RBFOX1: variants seen among roughly 807,000 people sequenced by gnomAD.
RBFOX1 encodes the protein RNA binding protein fox-1 homolog 1.
RBFOX1 carries 8 observed loss-of-function variants against 57.7 expected under a neutral mutation model. The observed-to-expected ratio is 0.14, with a 90% CI of 0.08 to 0.25. The LOEUF is 0.25. Ranked by LOEUF, RBFOX1 falls within the 10% of genes least tolerant of loss-of-function variation. The probability of loss-of-function intolerance (pLI) is 1.00; values close to 1 mark genes in which losing one functional copy is unlikely to be tolerated. For synonymous variants in RBFOX1, 326 were observed against 222.4 expected (o/e 1.47, Z -4.15); for missense variants, 611 against 548.5 (o/e 1.11, Z -1.14).
intron 1 of RBFOX1, among the ~76,000 whole-genome samples, chr16:6,297,683 A>G (rs9931496): frequency 0.012 from 1,822 of 152,126 alleles, 49 homozygotes; most frequent in African/African-American, 0.041. Context: ...CCCCTATCCT[A>G]TACCCATATA....
chr16:5,501,468 G>T (rs2043196135), intron 2 of RBFOX1, among the ~76,000 whole-genome samples: 1 of 152,098 alleles, frequency 6.6e-6, no homozygotes, highest in South Asian at 2.1e-4. Context: ...GAGGAGTGGT[G>T]GGGAGGCAGG....
chr16:6,311,503 A>C (rs137931253), intron 1 of RBFOX1, among the ~76,000 whole-genome samples: 4 of 152,260 alleles, frequency 2.6e-5, no homozygotes, highest in South Asian at 2.1e-4. Context: ...AGGATATTCC[A>C]TGCTGTCCTC....
intron 4 of RBFOX1, among the ~76,000 whole-genome samples, chr16:5,872,173 C>G (rs1180101337): frequency 1.3e-5 from 2 of 152,198 alleles, no homozygotes; most frequent in Non-Finnish European, 2.9e-5. Context: ...AGTCTGTGAA[C>G]AGAAGATCAG....
chr16:7,020,320 G>C (rs571942692), intron 3 of RBFOX1, among the ~76,000 whole-genome samples: 3 of 152,058 alleles, frequency 2.0e-5, no homozygotes, highest in Non-Finnish European at 2.9e-5. Flanking sequence ...CTGTCCGCCA[G>C]GTTCAAGTGA....
At chr16:7,251,182 C>A (rs1218703259) in intron 4 of RBFOX1, among the ~76,000 whole-genome samples, 1 of 152,108 alleles carries the variant, frequency 6.6e-6, no homozygotes, top group Admixed American at 6.5e-5. Context: ...CCAATCCCAC[C>A]CCAGCCCCTG....
intron 4 of RBFOX1, among the ~76,000 whole-genome samples, chr16:5,991,769 A>T (rs890693497): frequency 4.6e-5 from 7 of 151,784 alleles, no homozygotes; most frequent in Admixed American, 3.9e-4. Flanking sequence ...CCTGCCAATA[A>T]TCAACAATGT....
intron 4 of RBFOX1, among the ~76,000 whole-genome samples, chr16:7,435,601 C>G (rs973850993): frequency 6.6e-6 from 1 of 152,112 alleles, no homozygotes; most frequent in South Asian, 2.1e-4. Flanking sequence ...GGGTAAAGGA[C>G]CATCAGGTGG....
At chr16:7,554,613 G>T (rs1216510931) in intron 5 of RBFOX1, among the ~76,000 whole-genome samples, 1 of 151,932 alleles carries the variant, frequency 6.6e-6, no homozygotes, top group African/African-American at 2.4e-5. Flanking sequence ...GTGAACACCA[G>T]TGAATTCAGA....
At chr16:6,683,642 C>G (rs1300360345) in intron 3 of RBFOX1, among the ~76,000 whole-genome samples, 1 of 152,042 alleles carries the variant, frequency 6.6e-6, no homozygotes, top group Admixed American at 6.6e-5. Flanking sequence ...CTGCATAGAC[C>G]AAATGGCTCA....
chr16:7,560,917 T>C (rs2090177669), intron 5 of RBFOX1, among the ~76,000 whole-genome samples: 1 of 152,212 alleles, frequency 6.6e-6, no homozygotes, highest in South Asian at 2.1e-4. Flanking sequence ...TTTCACATAT[T>C]CCCGTCTGGC....
intron 1 of RBFOX1, among the ~76,000 whole-genome samples, chr16:5,447,292 G>A (rs889930690): frequency 7.9e-5 from 12 of 151,828 alleles, no homozygotes; most frequent in African/African-American, 2.2e-4. Flanking sequence ...GCTCTGCACC[G>A]TATAAGCTGT....
At chr16:5,921,647 A>G (rs566954140) in intron 4 of RBFOX1, among the ~76,000 whole-genome samples, 9 of 152,306 alleles carry the variant, frequency 5.9e-5, no homozygotes, top group African/African-American at 2.2e-4. Flanking sequence ...CCCTAAAGAA[A>G]TACCTGAGGC....
At chr16:6,727,148 T>A (rs139883794) in intron 3 of RBFOX1, among the ~76,000 whole-genome samples, 11 of 151,512 alleles carry the variant, frequency 7.3e-5, no homozygotes, top group African/African-American at 2.7e-4. Context: ...TGTATATATT[T>A]GCCTTCAAAA....
chr16:7,169,981 G>T (rs756282189), intron 4 of RBFOX1, among the ~76,000 whole-genome samples: 1 of 152,098 alleles, frequency 6.6e-6, no homozygotes, highest in Non-Finnish European at 1.5e-5. Flanking sequence ...GATCAGGTAG[G>T]AGGATCACTT....
chr16:7,360,473 C>T (rs959126630), intron 4 of RBFOX1, among the ~76,000 whole-genome samples: 6 of 152,118 alleles, frequency 3.9e-5, no homozygotes, highest in Non-Finnish European at 7.3e-5. Flanking sequence ...TTTACTAATT[C>T]TTGAAAAACT....
intron 4 of RBFOX1, among the ~76,000 whole-genome samples, chr16:7,517,158 TG>T (rs2076544900): frequency 6.6e-6 from 1 of 150,390 alleles, no homozygotes; most frequent in Non-Finnish European, 1.5e-5. Context: ...TGTGTGTGTG[TG>T]TGTGTGTGTG....
chr16:7,168,438 G>C (rs1178560503), intron 4 of RBFOX1, among the ~76,000 whole-genome samples: 1 of 152,180 alleles, frequency 6.6e-6, no homozygotes, highest in Non-Finnish European at 1.5e-5. Flanking sequence ...CTCATTGCAT[G>C]TGAATTCGTG....
intron 1 of RBFOX1, among the ~76,000 whole-genome samples, chr16:5,401,765 C>CTCG (rs1567453652): frequency 9.6e-4 from 55 of 57,386 alleles, no homozygotes; most frequent in African/African-American, 2.9e-3. Flanking sequence ...CCCTGTCTCT[C>CTCG]TCCTCCTCCT....
At chr16:6,843,978 A>C (rs918511614) in intron 3 of RBFOX1, among the ~76,000 whole-genome samples, 1 of 152,070 alleles carries the variant, frequency 6.6e-6, no homozygotes, top group African/African-American at 2.4e-5. Context: ...AATGTGTACA[A>C]TTCACTATTA....
Sources: gnomAD v4.1 joint callset for allele counts (sites outside exome capture counted in the v4.1 genomes callset) on GRCh38, gnomAD v4.1.1 for gene constraint, MANE v1.5 for transcripts, NCBI Gene and HGNC (gene_info 2026-07-23, HGNC 2026-07-21) for gene names.